Variants in GPR107 observed in about 807,000 individuals in gnomAD.
GPR107 encodes protein GPR107.
Under a neutral mutation model 75.5 loss-of-function variants are expected in GPR107, and 31 were observed. The observed-to-expected ratio is 0.41, with a 90% CI of 0.31 to 0.55. The LOEUF (loss-of-function observed/expected upper bound fraction) is 0.55. GPR107 is among the 20% of genes least tolerant of loss of function. GPR107 has a pLI of 0.26. For synonymous variants in GPR107, 267 were observed against 251.3 expected, an observed-to-expected ratio of 1.06 and a Z score of -0.59; for missense variants, 572 against 665.7, an observed-to-expected ratio of 0.86 and a Z score of 1.55.
rs1373175566 is a variant in GPR107, at chr9:130,104,411, T to G, written c.1132-9T>G. On this transcript the variant is annotated splice_polypyrimidine_tract_variant and intron_variant, in intron 12 of 17. Transcript: ENST00000347136. ...GCTTTGGGGCCTCAGCAACTTCTCA[T>G]GTCTGTAGGTCCTGGCAAATGTAGC... 6.2e-7 allele frequency: 1 copy of G among 1,613,602 alleles called. No individual in the cohort carries two copies. The highest frequency in any genetic ancestry group is 1.7e-5 in the Admixed American group (1 of 60,016).
intron 17 of GPR107, among the ~76,000 whole-genome samples, chr9:130,134,030 T>G (rs12000697): frequency 9.1e-4 from 138 of 152,096 alleles, no homozygotes; most frequent in African/African-American, 3.2e-3. Context: ...ATGGGTTGGG[T>G]CCTTGGAAAG....
At chr9:130,124,843 G>T (rs1831633097) in intron 14 of GPR107, 72 bp from the exon 15 acceptor site, 1 of 866,132 alleles carries the variant, frequency 1.2e-6, no homozygotes, top group East Asian at 2.6e-5. Flanking sequence ...GACTGAGAAG[G>T]TATCTGAATG....
At chr9:130,072,356 A>G (rs2132554900) in intron 1 of GPR107, among the ~76,000 whole-genome samples, 1 of 151,850 alleles carries the variant, frequency 6.6e-6, no homozygotes, top group East Asian at 1.9e-4. Context: ...AGTAGCTGGG[A>G]CTACAGGCGC....
At chr9:130,074,589 G>A (rs769839726) in intron 1 of GPR107, among the ~76,000 whole-genome samples, 2 of 152,034 alleles carry the variant, frequency 1.3e-5, no homozygotes, top group Admixed American at 1.3e-4. Flanking sequence ...TCAAGCAGGT[G>A]GGGTAGGCGT....
intron 9 of GPR107, among the ~76,000 whole-genome samples, chr9:130,097,990 T>G (rs1305410312): frequency 6.6e-6 from 1 of 152,148 alleles, no homozygotes; most frequent in Non-Finnish European, 1.5e-5. Context: ...CAAGTGATCC[T>G]CCCACATCAG....
Position 130,135,669 on chromosome 9 carries a change from C to T in GPR107, c.*548C>T, listed in dbSNP as rs1554899865. Reference sequence around the variant, plus strand: ...CAAAACCCAGTTTAGGATGTAGCACCTGCCCCAGGATTCCTGCCCTCGGCT... The same window carrying T: ...CAAAACCCAGTTTAGGATGTAGCACTTGCCCCAGGATTCCTGCCCTCGGCT... On this transcript the variant is annotated 3_prime_UTR_variant, in exon 18 of 18. Coordinates refer to ENST00000347136, the MANE Select transcript of GPR107 (RefSeq NM_020960.5). 6 of 152,982 alleles carry T rather than the reference C, an allele frequency of 3.9e-5. No individual in the cohort carries two copies. The highest frequency in any genetic ancestry group is 8.7e-5 in the Non-Finnish European group (6 of 68,654). 9.5% of individuals were successfully genotyped at this position (152,982 alleles called of 1,614,324 possible).
chr9:130,075,640 A>T lies in GPR107; in HGVS notation c.146A>T (p.Asp49Val). Residue 49 changes from aspartate (D) to valine (V), a missense_variant, in exon 2 of 18, where the codon GAT (aspartate) becomes GTT (valine). Asp to Val is a radical substitution (Grantham distance 152, BLOSUM62 -3). Coordinates refer to ENST00000347136, the MANE Select transcript of GPR107 (RefSeq NM_020960.5). ...GRVHHLALKD[D>V]VRHKVHLNTF... is the part of the protein sequence containing the mutation. The stretch of plus-strand genomic sequence containing the variant: ...CACCACTACAAATCTCTTTAGGATG[A>T]TGTGAGGCATAAAGTTCATCTGAAC... 1 of 1,515,906 alleles carries T rather than the reference A, an allele frequency of 6.6e-7. No homozygotes were observed. The highest frequency in any genetic ancestry group is 9.2e-7 in the Non-Finnish European group (1 of 1,090,490). The allele number at this position is 1,515,906 out of a possible 1,614,324, so 93.9% of individuals were successfully genotyped here.
intron 7 of GPR107, among the ~76,000 whole-genome samples, chr9:130,087,618 T>C (rs1830644446): frequency 6.6e-6 from 1 of 151,806 alleles, no homozygotes; most frequent in South Asian, 2.1e-4. Context: ...CTGGGAAATG[T>C]GGTGAAACTT....
Position 130,128,957 on chromosome 9 carries a change from C to G in GPR107, c.1562+196C>G, listed in dbSNP as rs1227987495. On this transcript the variant is annotated intron_variant, in intron 17 of 17. Transcript: ENST00000347136. ...GAAGTACAGTATCTGCCAAACCTAG[C>G]TGGGTCTTGTCAGGGAAGATGGAAC... 3 of 527,800 alleles carry G rather than the reference C, an allele frequency of 5.7e-6. No individual in the cohort carries two copies. In the East Asian group the frequency reaches 9.9e-5, roughly 17 times the overall value. 32.7% of individuals were successfully genotyped at this position (527,800 alleles called of 1,614,324 possible).
intron 9 of GPR107, among the ~76,000 whole-genome samples, chr9:130,098,833 C>A (rs1386828080): frequency 6.6e-6 from 1 of 151,902 alleles, no homozygotes; most frequent in Non-Finnish European, 1.5e-5. Context: ...TGTGGTGAAA[C>A]CCTGTCTCTA....
At chr9:130,079,128 T>G (rs1830431341) in intron 4 of GPR107, among the ~76,000 whole-genome samples, 1 of 152,118 alleles carries the variant, frequency 6.6e-6, no homozygotes, top group Non-Finnish European at 1.5e-5. Context: ...CCGGCCAGTT[T>G]TTTTTTGTAA....
chr9:130,134,210 C>CGGTG (rs1181101516), intron 17 of GPR107, among the ~76,000 whole-genome samples: 2 of 152,166 alleles, frequency 1.3e-5, no homozygotes, highest in Admixed American at 6.5e-5. Flanking sequence ...ACAGAGCCAC[C>CGGTG]CAGTTCCCTC....
intron 1 of GPR107, among the ~76,000 whole-genome samples, chr9:130,070,522 T>G (rs1400395746): frequency 6.6e-6 from 1 of 152,090 alleles, no homozygotes; most frequent in Non-Finnish European, 1.5e-5. Context: ...CAGGAGGGCC[T>G]CAAACTCCAG....
At chr9:130,096,380 C>G (rs1331982574) in intron 9 of GPR107, among the ~76,000 whole-genome samples, 1 of 151,824 alleles carries the variant, frequency 6.6e-6, no homozygotes, top group Non-Finnish European at 1.5e-5. Context: ...CTCTCCTGCT[C>G]TATTGTTCCC....
chr9:130,104,216 G>A (rs1442759327), intron 12 of GPR107, among the ~76,000 whole-genome samples: 1 of 152,156 alleles, frequency 6.6e-6, no homozygotes, highest in Non-Finnish European at 1.5e-5. Context: ...AGCAATTACG[G>A]CCTGTGCAGA....
At chr9:130,125,819 G>A (rs924882883) in intron 15 of GPR107, among the ~76,000 whole-genome samples, 4 of 152,024 alleles carry the variant, frequency 2.6e-5, no homozygotes, top group Non-Finnish European at 5.9e-5. Context: ...GGAGACCGAG[G>A]CGGGCAGATC....
chr9:130,091,712 T>TC (rs752996939), intron 8 of GPR107, among the ~76,000 whole-genome samples: 4 of 150,318 alleles, frequency 2.7e-5, no homozygotes, highest in South Asian at 2.1e-4. Context: ...TTTTTTTTTT[T>TC]CCAGACGGAG....
Position 130,136,277 on chromosome 9 carries a change from TC to T in GPR107, c.*1158del, listed in dbSNP as rs1831953572. The T allele has an allele frequency of 6.6e-6, 1 of 152,164 alleles. No homozygotes were observed. Among genetic ancestry groups the T allele is most frequent in the African/African-American group, 2.4e-5 (1 of 41,426 alleles). The allele number at this position is 152,164 out of a possible 1,614,324, so 9.4% of individuals were successfully genotyped here. Reference sequence around the variant, plus strand: ...CAATGATTAAGTTCCCTTCCACACTTCCAGAGCTTGAATGAACACAGGTAGC... The same window carrying T: ...CAATGATTAAGTTCCCTTCCACACTTCAGAGCTTGAATGAACACAGGTAGC... On this transcript the variant is annotated 3_prime_UTR_variant, in exon 18 of 18. Transcript: ENST00000347136.
At chr9:130,079,822 T>G in intron 5 of GPR107, 53 bp downstream of exon 5, 1 of 1,246,784 alleles carries the variant, frequency 8.0e-7, no homozygotes, top group East Asian at 2.5e-5. Flanking sequence ...GCTTTGTAGC[T>G]TTTTTGTTCC....
Sources: allele counts gnomAD v4.1 joint callset (sites outside exome capture counted in the v4.1 genomes callset), GRCh38; gene constraint gnomAD v4.1.1; transcripts MANE v1.5; gene names NCBI Gene and HGNC (gene_info 2026-07-23, HGNC 2026-07-21).